The following ZNF385C variants were observed in gnomAD, a reference collection of about 807,000 sequenced individuals.
ZNF385C encodes CTD-2132N18.2.
Under a neutral mutation model 35.4 loss-of-function variants are expected in ZNF385C, and 28 were observed. The observed-to-expected ratio is 0.79, with a 90% CI of 0.59 to 1.08. The LOEUF (loss-of-function observed/expected upper bound fraction) is 1.08, where lower values mean the gene tolerates loss of function less well. Among genes scored for constraint, ZNF385C ranks in the 50% least tolerant of loss-of-function variants. The pLI is 0.00. For synonymous variants in ZNF385C, 248 were observed against 248.2 expected, an observed-to-expected ratio of 1.00 and a Z score of 0.01; for missense variants, 605 against 595.6, an observed-to-expected ratio of 1.02 and a Z score of -0.16.
In ZNF385C at chr17:42,028,066, T is replaced by C. The variant is rs782019661; in HGVS notation, c.1148A>G (p.Glu383Gly). Residue 383 changes from glutamate (E) to glycine (G), a missense_variant, in exon 7 of 9, where the codon GAG (glutamate) becomes GGG (glycine). Transcript: ENST00000692273. ...TTCTCCCACCTGCTTCAGTTGGGTCTCTGAATTGACCTGGAGCTGACAGAG... is the reference window on the plus strand; with the variant it reads ...TTCTCCCACCTGCTTCAGTTGGGTCCCTGAATTGACCTGGAGCTGACAGAG... The part of the protein sequence containing the change: ...CALCQLQVNS[E>G]TQLKQHMSSR... The C allele has an allele frequency of 1.2e-6, 2 of 1,613,356 alleles. No homozygotes were observed. The highest frequency in any genetic ancestry group is 2.2e-5 in the South Asian group (2 of 91,070).
intron 2 of ZNF385C, among the ~76,000 whole-genome samples, chr17:42,061,054 G>A (rs554079183): frequency 1.3e-5 from 2 of 152,200 alleles, no homozygotes; most frequent in African/African-American, 4.8e-5. Context: ...TAGGAAGCCT[G>A]TTATTATCTT....
At chr17:42,039,908 C>T (rs1413518804) in intron 2 of ZNF385C, 6 of 1,231,242 alleles carry the variant, frequency 4.9e-6, no homozygotes, top group African/African-American at 1.6e-5. Context: ...CCAGCGCCCG[C>T]GGGCAGCGCC....
At chr17:42,053,200 T>A (rs1345480526) in intron 2 of ZNF385C, among the ~76,000 whole-genome samples, 1 of 152,106 alleles carries the variant, frequency 6.6e-6, no homozygotes, top group African/African-American at 2.4e-5. Context: ...CTGCCCCCAG[T>A]CGCACTGCCT....
chr17:42,054,775 T>A (rs1276801307), intron 2 of ZNF385C, among the ~76,000 whole-genome samples: 3 of 151,588 alleles, frequency 2.0e-5, no homozygotes, highest in Non-Finnish European at 2.9e-5. Context: ...AGAGAGGAGG[T>A]TTCACCATGT....
At chr17:42,092,920 G>A (rs2053877355) in intron 1 of ZNF385C, among the ~76,000 whole-genome samples, 1 of 152,100 alleles carries the variant, frequency 6.6e-6, no homozygotes, top group South Asian at 2.1e-4. Flanking sequence ...GGGAGCGGGG[G>A]GCGGGGGTCC....
intron 8 of ZNF385C, 87 bp from the exon 9 acceptor site, chr17:42,027,220 C>G (rs782617485): frequency 8.0e-7 from 1 of 1,255,266 alleles, no homozygotes; most frequent in Non-Finnish European, 1.1e-6. Context: ...CTTTTTGCTG[C>G]AGGGAAAGCG....
chr17:42,046,120 T>G (rs934278637), intron 2 of ZNF385C, among the ~76,000 whole-genome samples: 2 of 152,194 alleles, frequency 1.3e-5, no homozygotes, highest in African/African-American at 4.8e-5. Context: ...CATCCTCTAG[T>G]TCCCCACAGC....
intron 2 of ZNF385C, among the ~76,000 whole-genome samples, chr17:42,056,645 A>G (rs1480749634): frequency 6.6e-6 from 1 of 152,212 alleles, no homozygotes; most frequent in Non-Finnish European, 1.5e-5. Flanking sequence ...TGTAGCTCCC[A>G]TAATTCCCTC....
chr17:42,061,004 GCCC>G (rs2053451889), intron 2 of ZNF385C, among the ~76,000 whole-genome samples: 1 of 151,944 alleles, frequency 6.6e-6, no homozygotes, highest in African/African-American at 2.4e-5. Flanking sequence ...CGTGAGCCTG[GCCC>G]CTCCTCTGAC....
At chr17:42,027,764 C>T (rs782494610) in intron 7 of ZNF385C, 36 bp from the exon 8 acceptor site, 2 of 1,601,728 alleles carry the variant, frequency 1.2e-6, no homozygotes, top group Non-Finnish European at 1.7e-6. Context: ...AACAAGATGA[C>T]AAAGCCCAAG....
chr17:42,035,438 C>G (rs1555655337), intron 3 of ZNF385C, among the ~76,000 whole-genome samples: 2 of 151,800 alleles, frequency 1.3e-5, no homozygotes, highest in Non-Finnish European at 2.9e-5. Flanking sequence ...TTGGAATTTC[C>G]TCTCCCATCA....
chr17:42,029,892 G>T (rs2052688734), intron 5 of ZNF385C, among the ~76,000 whole-genome samples: 1 of 151,696 alleles, frequency 6.6e-6, no homozygotes, highest in African/African-American at 2.4e-5. Context: ...AAATTAGCCA[G>T]GCATGGTGGC....
intron 1 of ZNF385C, among the ~76,000 whole-genome samples, chr17:42,093,534 GAGATGAGCCATC>G (rs1475266908): frequency 3.3e-5 from 5 of 151,992 alleles, no homozygotes; most frequent in Non-Finnish European, 7.4e-5. Context: ...GGAGTTAGAG[GAGATGAGCCATC>G]AGCTCTTTAT....
At chr17:42,036,453 G>T (rs1462138000) in intron 3 of ZNF385C, among the ~76,000 whole-genome samples, 2 of 152,058 alleles carry the variant, frequency 1.3e-5, no homozygotes, top group African/African-American at 4.8e-5. Context: ...AGCACTTTGG[G>T]AGGCCGAGGT....
chr17:42,065,036 G>C (rs573426460), intron 1 of ZNF385C: 2 of 152,152 alleles, frequency 1.3e-5, no homozygotes, highest in African/African-American at 4.8e-5. Flanking sequence ...TTTTTTAGTA[G>C]AGATGGGGTA....
At chr17:42,034,439 T>C in intron 3 of ZNF385C, 104 bp from the exon 4 acceptor site, 1 of 753,664 alleles carries the variant, frequency 1.3e-6, no homozygotes, top group East Asian at 2.7e-5. Flanking sequence ...GAAGAGGGCC[T>C]TGGTCAGCTT....
At chr17:42,044,307 C>CAA (rs57246793) in intron 2 of ZNF385C, among the ~76,000 whole-genome samples, 9 of 70,504 alleles carry the variant, frequency 1.3e-4, no homozygotes, top group African/African-American at 2.4e-4. Context: ...GACCCTGTCT[C>CAA]AAAAAAAAAA....
intron 2 of ZNF385C, among the ~76,000 whole-genome samples, chr17:42,049,043 G>A (rs1240152079): frequency 2.0e-5 from 3 of 151,990 alleles, no homozygotes; most frequent in African/African-American, 7.3e-5. Flanking sequence ...AATGCCCAGG[G>A]CTACTGACCT....
intron 1 of ZNF385C, among the ~76,000 whole-genome samples, chr17:42,082,865 G>C (rs1201303458): frequency 3.9e-5 from 6 of 152,122 alleles, no homozygotes; most frequent in African/African-American, 1.4e-4. Context: ...ATCACCTGAG[G>C]TCAAGAGTTT....
Sources: gnomAD v4.1 joint callset for allele counts (sites outside exome capture counted in the v4.1 genomes callset) on GRCh38, gnomAD v4.1.1 for gene constraint, MANE v1.5 for transcripts, NCBI Gene and HGNC (gene_info 2026-07-23, HGNC 2026-07-21) for gene names.